Variants in IMPA1 observed in about 807,000 individuals in gnomAD.
The protein encoded by IMPA1 is D-galactose 1-phosphate phosphatase.
IMPA1 carries 21 observed loss-of-function variants against 34.9 expected under a neutral mutation model. That is an observed-to-expected ratio of 0.60 (90% CI 0.43 to 0.87). The LOEUF (loss-of-function observed/expected upper bound fraction) is 0.87, where lower values mean the gene tolerates loss of function less well. IMPA1 is among the 40% of genes least tolerant of loss of function. The pLI is 0.00. For synonymous variants in IMPA1, 95 were observed against 104.4 expected (o/e 0.91, Z 0.55); for missense variants, 299 against 336.4 (o/e 0.89, Z 0.87).
At chr8:81,669,090 G>C (rs74803693) in intron 7 of IMPA1, among the ~76,000 whole-genome samples, 4,294 of 152,268 alleles carry the variant, frequency 0.028, 91 homozygotes, top group East Asian at 0.087. Flanking sequence ...GTCCTCAGAA[G>C]CCTGGGAGCC....
chr8:81,677,689 A>C (rs1807170506), intron 4 of IMPA1, among the ~76,000 whole-genome samples: 1 of 152,272 alleles, frequency 6.6e-6, no homozygotes, highest in South Asian at 2.1e-4. Context: ...TTATTTTAAC[A>C]AAAATAAGAT....
intron 1 of IMPA1, among the ~76,000 whole-genome samples, chr8:81,681,868 T>C (rs1807309677): frequency 6.6e-6 from 1 of 152,132 alleles, no homozygotes; most frequent in African/African-American, 2.4e-5. Flanking sequence ...GGAGAATAGA[T>C]AAGAAACAAC....
At chr8:81,670,796 T>C in intron 7 of IMPA1, 143 bp downstream of exon 7, 1 of 517,474 alleles carries the variant, frequency 1.9e-6, no homozygotes. Flanking sequence ...ATCAGTGGTT[T>C]CATGGTTATG....
At chr8:81,683,678 CAGTT>C (rs752013686) in intron 1 of IMPA1, among the ~76,000 whole-genome samples, 4 of 152,096 alleles carry the variant, frequency 2.6e-5, no homozygotes, top group African/African-American at 7.2e-5. Context: ...CAAAAGATGT[CAGTT>C]AGGCAGCTGA....
Position 81,676,297 on chromosome 8 carries a change from G to T in IMPA1, c.303-18C>A. On this transcript the variant is annotated intron_variant, in intron 4 of 8. Coordinates refer to ENST00000256108, the MANE Select transcript of IMPA1 (RefSeq NM_005536.4). The stretch of plus-strand genomic sequence containing the variant: ...AAGGAAATCTTTTTTTAAAAAAAAG[G>T]ACAAAATACAAATTAACCAACATAG... 2 of 1,207,162 alleles carry T rather than the reference G, an allele frequency of 1.7e-6. No individual in the cohort carries two copies. The highest frequency in any genetic ancestry group is 1.5e-5 in the South Asian group (1 of 66,420). 74.8% of individuals were successfully genotyped at this position (1,207,162 alleles called of 1,614,324 possible). A position where few individuals can be genotyped will look rare whatever the true frequency, so the allele number is the denominator to read the frequency against.
Position 81,657,687 on chromosome 8 carries a change from C to T in IMPA1, c.*1664G>A, listed in dbSNP as rs1292054560. On this transcript the variant is annotated 3_prime_UTR_variant, in exon 9 of 9. Transcript: ENST00000256108. Reference sequence around the variant, plus strand: ...GTGGCTCACATCTGTAATCCCAGCACTTTGGGAGGCCAAGGGGCCTGGAAA... The same window carrying T: ...GTGGCTCACATCTGTAATCCCAGCATTTTGGGAGGCCAAGGGGCCTGGAAA... 6.6e-6 allele frequency among the ~76,000 whole-genome samples: 1 copy of T among 152,020 alleles called. No homozygotes were observed. Among genetic ancestry groups the T allele is most frequent in the Non-Finnish European group, 1.5e-5 (1 of 68,008 alleles).
chr8:81,675,363 G>A (rs1328600770), intron 5 of IMPA1, among the ~76,000 whole-genome samples: 3 of 151,568 alleles, frequency 2.0e-5, no homozygotes, highest in Non-Finnish European at 2.9e-5. Flanking sequence ...AGCAGAACTG[G>A]TGACATCCTG....
chr8:81,681,160 C>T (rs1054407880), intron 2 of IMPA1, among the ~76,000 whole-genome samples: 2 of 152,080 alleles, frequency 1.3e-5, no homozygotes, highest in African/African-American at 4.8e-5. Context: ...CTTTGGGAGG[C>T]CAAGGTGGTC....
rs910059333 is a variant in IMPA1, at chr8:81,657,907, GA to G, written c.*1443del. On this transcript the variant is annotated 3_prime_UTR_variant, in exon 9 of 9. Transcript: ENST00000256108. The stretch of plus-strand genomic sequence containing the variant: ...ACCCTGGGCAACAGAGCGAGACCCT[GA>G]ATCTAAAAATAATAATAATGATAAT... The G allele has an allele frequency of 1.3e-5, 2 of 151,522 alleles. No homozygotes were observed. The highest frequency in any genetic ancestry group is 2.9e-5 in the Non-Finnish European group (2 of 67,870). 9.4% of individuals were successfully genotyped at this position (151,522 alleles called of 1,614,324 possible).
At chr8:81,673,805 A>C in intron 6 of IMPA1, 36 bp downstream of exon 6, 1 of 1,140,192 alleles carries the variant, frequency 8.8e-7, no homozygotes. Flanking sequence ...TTGAGCACAC[A>C]ATATGAATAG....
chr8:81,681,591 A>G lies in IMPA1; in HGVS notation c.-24-7T>C, dbSNP rs1030053889. 2.0e-6 allele frequency: 3 copies of G among 1,525,132 alleles called. No individual in the cohort carries two copies. The African/African-American group carries it at 4.1e-5, about 21-fold the overall frequency. The allele number at this position is 1,525,132 out of a possible 1,614,324, so 94.5% of individuals were successfully genotyped here. On this transcript the variant is annotated splice_region_variant and splice_polypyrimidine_tract_variant and intron_variant, in intron 1 of 8. Transcript: ENST00000256108. ...GAAAATATTTGACAAATATCTGTAC[A>G]AAGTAGTTATAACTGTCTTAGAAGT...
chr8:81,676,596 A>C (rs904405610), intron 4 of IMPA1, among the ~76,000 whole-genome samples: 5 of 152,216 alleles, frequency 3.3e-5, no homozygotes, highest in African/African-American at 1.2e-4. Context: ...CCAGAGATGG[A>C]TCCTGGGAAA....
At chr8:81,672,750 A>C (rs1807023265) in intron 6 of IMPA1, among the ~76,000 whole-genome samples, 2 of 152,260 alleles carry the variant, frequency 1.3e-5, no homozygotes, top group South Asian at 4.1e-4. Flanking sequence ...TAGAGAAGAA[A>C]GAACTTAAAT....
At position 81,680,803 on chromosome 8, in the gene IMPA1, A is replaced by G; in HGVS notation, c.64-20T>C. 1 of 1,555,876 alleles carries G rather than the reference A, an allele frequency of 6.4e-7. No homozygotes were observed. On this transcript the variant is annotated intron_variant, in intron 2 of 8. Transcript: ENST00000256108. ...AACTACCTAAAAAGAGGTTTTGGTAAGCAAATAGAAAAGGCATAATTTTAA... is the reference window on the plus strand; with the variant it reads ...AACTACCTAAAAAGAGGTTTTGGTAGGCAAATAGAAAAGGCATAATTTTAA...
rs1270843761 is a variant in IMPA1 at position 81,680,744 on chromosome 8, G to A, written c.103C>T (p.Leu35=). 1.9e-6 allele frequency: 3 copies of A among 1,609,604 alleles called. No homozygotes were observed. Among genetic ancestry groups the A allele is most frequent in the Non-Finnish European group, 2.6e-6 (3 of 1,176,376 alleles). Residue 35 remains leucine (L), a synonymous_variant, in exon 3 of 9, where the codon CTG becomes TTG. Coordinates refer to ENST00000256108, the MANE Select transcript of IMPA1 (RefSeq NM_005536.4). ...EAIKNEMNVM[L]KSSPVDLVTA... is the part of the protein sequence containing the mutation. ...ACCAAATCAACTGGAGAACTTTTCA[G>A]CATAACATTCATTTCATTTTTTATA...
At position 81,665,233 on chromosome 8, in the gene IMPA1, CA is replaced by C. The variant is rs552401110; in HGVS notation, c.567-4567del. Among the ~76,000 whole-genome samples, 7 of 151,988 alleles carry C rather than the reference CA, an allele frequency of 4.6e-5. No individual in the cohort carries two copies. In the South Asian group the frequency reaches 1.5e-3, roughly 32 times the overall value. ...CGAATCCGAATTAAATATTTTCAAA[CA>C]AAAACTTGTGAATACTGAAAAAAAT... On this transcript the variant is annotated intron_variant, in intron 7 of 8. Transcript: ENST00000256108.
At chr8:81,675,230 C>T (rs1208026436) in intron 5 of IMPA1, among the ~76,000 whole-genome samples, 4 of 152,074 alleles carry the variant, frequency 2.6e-5, no homozygotes, top group Non-Finnish European at 5.9e-5. Context: ...CTGATTAAAA[C>T]GCCTTCCTCT....
At chr8:81,666,207 A>C (rs1806815642) in intron 7 of IMPA1, among the ~76,000 whole-genome samples, 1 of 152,262 alleles carries the variant, frequency 6.6e-6, no homozygotes, top group South Asian at 2.1e-4. Flanking sequence ...TAAATAGTTA[A>C]GTAAGAAAAT....
chr8:81,677,084 A>G (rs1206611430), intron 4 of IMPA1, among the ~76,000 whole-genome samples: 1 of 151,988 alleles, frequency 6.6e-6, no homozygotes, highest in Non-Finnish European at 1.5e-5. Context: ...GTTAAAAAGC[A>G]TATATTTTAG....
Sources: gnomAD v4.1 joint callset for allele counts (sites outside exome capture counted in the v4.1 genomes callset) on GRCh38, gnomAD v4.1.1 for gene constraint, MANE v1.5 for transcripts, NCBI Gene and HGNC (gene_info 2026-07-23, HGNC 2026-07-21) for gene names.